The following CCDC7 variants were observed in gnomAD, a reference collection of about 807,000 sequenced individuals.
CCDC7 encodes the protein coiled-coil domain containing 7, also known as coiled-coil domain-containing protein 7.
Under a neutral mutation model 196.9 loss-of-function variants are expected in CCDC7, and 183 were observed. The observed-to-expected ratio is 0.93, with a 90% confidence interval of 0.82 to 1.05. CCDC7 has a LOEUF of 1.05. Among genes scored for constraint, CCDC7 ranks in the 50% least tolerant of loss-of-function variants. The pLI is 0.00. For missense variants in CCDC7, 1,540 were observed against 1,482.2 expected (o/e 1.04, Z -0.64); for synonymous variants, 525 against 484.6 (o/e 1.08, Z -1.10).
chr10:32,472,964 A>G (rs1040039879), intron 7 of CCDC7, among the ~76,000 whole-genome samples: 2 of 152,364 alleles, frequency 1.3e-5, no homozygotes, highest in South Asian at 4.1e-4. Context: ...ATTTACAGTT[A>G]TAAAATTATA....
exon 13 of CCDC7, chr10:32,544,260 G>C: frequency 6.2e-7 from 1 of 1,606,242 alleles, no homozygotes; most frequent in Non-Finnish European, 8.5e-7. Flanking sequence ...GATGTCTCCA[G>C]AAAAAGAGTT....
chr10:32,664,202 A>G (rs1430123316), intron 21 of CCDC7, 41 bp downstream of exon 22: 1 of 390,646 alleles, frequency 2.6e-6, no homozygotes, highest in Non-Finnish European at 4.5e-6. Context: ...ATAATTTAAG[A>G]TTTATTTTTA....
intron 24 of CCDC7, among the ~76,000 whole-genome samples, chr10:32,700,289 T>C (rs942810142): frequency 5.3e-5 from 8 of 149,578 alleles, no homozygotes; most frequent in African/African-American, 1.3e-4. Context: ...CCAGTTTTCC[T>C]AGCACCATTT....
At chr10:32,721,527 T>A (rs1183853188) in intron 25 of CCDC7, among the ~76,000 whole-genome samples, 4 of 152,116 alleles carry the variant, frequency 2.6e-5, no homozygotes, top group Admixed American at 6.6e-5. Flanking sequence ...GGTAACATAA[T>A]ATATGGGTGT....
intron 20 of CCDC7, among the ~76,000 whole-genome samples, chr10:32,653,489 GTTA>G (rs1320643254): frequency 6.6e-6 from 1 of 152,168 alleles, no homozygotes; most frequent in Non-Finnish European, 1.5e-5. Context: ...ATATTTTCTA[GTTA>G]TTATGCTAAA....
chr10:32,496,162 G>C (rs562887521), intron 9 of CCDC7, among the ~76,000 whole-genome samples: 1 of 152,144 alleles, frequency 6.6e-6, no homozygotes, highest in Admixed American at 6.5e-5. Flanking sequence ...AGTTGTGAAT[G>C]GGAGTTCACT....
chr10:32,674,611 G>A (rs1021686569), intron 21 of CCDC7, among the ~76,000 whole-genome samples: 1 of 152,036 alleles, frequency 6.6e-6, no homozygotes, highest in African/African-American at 2.4e-5. Flanking sequence ...TTGGTCTACA[G>A]TGTTGTTCAG....
At position 32,876,254 on chromosome 10, in the gene CCDC7, TTC is replaced by T; in HGVS notation, c.4112-91_4112-90del. On this transcript the variant is annotated intron_variant, in intron 41 of 41. Coordinates refer to ENST00000639629, the Ensembl canonical transcript of CCDC7. ...TTTCATTGTTTATATTATTCATACA[TTC>T]TGTTTTCCATGATATCATATACAAT... 6 of 890,306 alleles carry T rather than the reference TTC, an allele frequency of 6.7e-6. 1 individual carries two copies. Among genetic ancestry groups the T allele is most frequent in the South Asian group, 6.4e-5 (4 of 62,988 alleles). 55.2% of individuals were successfully genotyped at this position (890,306 alleles called of 1,614,324 possible). A position where few individuals can be genotyped will look rare whatever the true frequency, so the allele number is the denominator to read the frequency against.
intron 28 of CCDC7, among the ~76,000 whole-genome samples, chr10:32,776,370 T>G (rs977473099): frequency 3.6e-5 from 4 of 110,664 alleles, no homozygotes; most frequent in African/African-American, 5.4e-5. Context: ...AGAATAATGG[T>G]TTTTTTTTTA....
At chr10:32,601,344 T>G (rs530147777) in intron 18 of CCDC7, among the ~76,000 whole-genome samples, 1 of 152,236 alleles carries the variant, frequency 6.6e-6, no homozygotes, top group South Asian at 2.1e-4. Context: ...GTGCTGGGAT[T>G]ACAGGCATGA....
At chr10:32,829,576 C>T (rs1043636308) in intron 32 of CCDC7, among the ~76,000 whole-genome samples, 28 of 151,968 alleles carry the variant, frequency 1.8e-4, no homozygotes, top group Non-Finnish European at 3.2e-4. Context: ...GGGATTTGTG[C>T]GTTTCTGGTT....
At chr10:32,517,923 CT>C (rs772391992) in intron 9 of CCDC7, 21 bp from the exon 11 acceptor site, 11 of 1,585,298 alleles carry the variant, frequency 6.9e-6, no homozygotes, top group South Asian at 3.5e-5. Flanking sequence ...TATAAACACA[CT>C]TTTTTTGGTT....
chr10:32,675,413 T>C (rs886177600), intron 21 of CCDC7, among the ~76,000 whole-genome samples: 8 of 152,174 alleles, frequency 5.3e-5, no homozygotes, highest in African/African-American at 1.9e-4. Context: ...TTTACATTTT[T>C]ATTCCACCCC....
chr10:32,688,612 A>G (rs1203207951), intron 22 of CCDC7, among the ~76,000 whole-genome samples: 1 of 151,988 alleles, frequency 6.6e-6, no homozygotes, highest in African/African-American at 2.4e-5. Context: ...TTGTAACTGT[A>G]TGTACAGTTT....
At chr10:32,631,707 G>A (rs1027671740) in intron 18 of CCDC7, among the ~76,000 whole-genome samples, 1 of 151,114 alleles carries the variant, frequency 6.6e-6, no homozygotes, top group Non-Finnish European at 1.5e-5. Flanking sequence ...ATTTCGATAG[G>A]GATTAAGTCA....
intron 5 of CCDC7, among the ~76,000 whole-genome samples, chr10:32,466,860 C>T (rs2036903758): frequency 6.6e-6 from 1 of 152,160 alleles, no homozygotes; most frequent in Non-Finnish European, 1.5e-5. Flanking sequence ...CTGTTTTCCA[C>T]AGCAGGCAAC....
At chr10:32,518,265 C>CTG in intron 10 of CCDC7, 151 bp from the exon 12 acceptor site, 1 of 719,668 alleles carries the variant, frequency 1.4e-6, no homozygotes. Context: ...CTTTCAGCTC[C>CTG]AATTATTGTG....
chr10:32,596,877 G>A (rs1260484284), intron 18 of CCDC7, among the ~76,000 whole-genome samples: 1 of 152,202 alleles, frequency 6.6e-6, no homozygotes, highest in East Asian at 1.9e-4. Context: ...GGCTTGTAGA[G>A]TTTCTGCCGA....
At chr10:32,813,412 G>T (rs2087620658) in intron 30 of CCDC7, among the ~76,000 whole-genome samples, 1 of 152,080 alleles carries the variant, frequency 6.6e-6, no homozygotes, top group African/African-American at 2.4e-5. Flanking sequence ...TTACCTCCTT[G>T]ATTCATGTTC....
Sources: allele counts gnomAD v4.1 joint callset (sites outside exome capture counted in the v4.1 genomes callset), GRCh38; gene constraint gnomAD v4.1.1; transcripts MANE v1.5; gene names NCBI Gene and HGNC (gene_info 2026-07-23, HGNC 2026-07-21).